Variants in P3H2 observed in about 807,000 individuals in gnomAD.
P3H2 encodes the protein leprecan-like 1.
P3H2 carries 80 observed loss-of-function variants against 87.0 expected under a neutral mutation model. The ratio of observed to expected loss-of-function variants is 0.92; its 90% CI spans 0.77 to 1.11. The LOEUF is 1.11. P3H2 is among the 50% of genes least tolerant of loss of function. P3H2 has a pLI of 0.00. For missense variants in P3H2, 1,001 were observed against 923.9 expected, an observed-to-expected ratio of 1.08 and a Z score of -1.08; for synonymous variants, 367 against 359.3, an observed-to-expected ratio of 1.02 and a Z score of -0.24.
At chr3:190,052,054 G>C (rs998729085) in intron 1 of P3H2, among the ~76,000 whole-genome samples, 6 of 152,148 alleles carry the variant, frequency 3.9e-5, no homozygotes, top group Admixed American at 1.3e-4. Flanking sequence ...AAAAAGTGGA[G>C]AAATAGAATA....
At chr3:189,958,176 C>T (rs1722698367) in intron 14 of P3H2, among the ~76,000 whole-genome samples, 172 bp from the exon 15 acceptor site, 1 of 152,182 alleles carries the variant, frequency 6.6e-6, no homozygotes, top group Non-Finnish European at 1.5e-5. Context: ...CCTAACATTC[C>T]TGGGTCCTAA....
intron 1 of P3H2, among the ~76,000 whole-genome samples, chr3:190,105,657 G>A (rs1206022878): frequency 6.6e-6 from 1 of 152,172 alleles, no homozygotes; most frequent in Non-Finnish European, 1.5e-5. Context: ...ACTAATTTAT[G>A]TCCATTGCAT....
chr3:189,967,900 C>T (rs922815770), intron 13 of P3H2, among the ~76,000 whole-genome samples: 1 of 152,118 alleles, frequency 6.6e-6, no homozygotes, highest in African/African-American at 2.4e-5. Context: ...TGATGAATAA[C>T]ATATGTGTGT....
intron 1 of P3H2, among the ~76,000 whole-genome samples, chr3:190,084,120 C>T (rs865795118): frequency 7.3e-5 from 11 of 150,264 alleles, no homozygotes; most frequent in South Asian, 4.2e-4. Flanking sequence ...ATTAAAAAGC[C>T]GAGAAAGGAC....
intron 1 of P3H2, among the ~76,000 whole-genome samples, chr3:190,032,803 G>A (rs1266007795): frequency 6.8e-6 from 1 of 147,170 alleles, no homozygotes; most frequent in Non-Finnish European, 1.5e-5. Context: ...CCAGGATTTC[G>A]TGGAAGACAA....
chr3:190,023,043 G>A (rs1422640422), intron 1 of P3H2, among the ~76,000 whole-genome samples: 1 of 151,990 alleles, frequency 6.6e-6, no homozygotes, highest in Non-Finnish European at 1.5e-5. Flanking sequence ...AGCCAGGATG[G>A]TCTCGATCTC....
intron 8 of P3H2, among the ~76,000 whole-genome samples, chr3:189,975,039 A>T (rs1191609661): frequency 6.6e-6 from 1 of 152,070 alleles, no homozygotes. Flanking sequence ...CCTCATTCAT[A>T]CCTCTGTCGC....
intron 1 of P3H2, among the ~76,000 whole-genome samples, chr3:190,010,534 C>G (rs1433212685): frequency 6.6e-6 from 1 of 150,726 alleles, no homozygotes; most frequent in Non-Finnish European, 1.5e-5. Context: ...GAGAGAGACA[C>G]CAGGAGAACG....
At chr3:190,103,145 T>C (rs764505158) in intron 1 of P3H2, among the ~76,000 whole-genome samples, 1 of 152,256 alleles carries the variant, frequency 6.6e-6, no homozygotes, top group Admixed American at 6.5e-5. Context: ...TTTATTGCAA[T>C]GGTCTGGAAC....
rs1711508474 is a variant in P3H2, at chr3:190,098,566, T to TA, written c.480+21685_480+21686insT. On this transcript the variant is annotated intron_variant, in intron 1 of 14. Transcript: ENST00000319332. ...TACTATTCTAAGTGCCTAACTTGTATTCACTAATGAAATCCTCGCAATGCC... is the reference window on the plus strand; with the variant it reads ...TACTATTCTAAGTGCCTAACTTGTATATCACTAATGAAATCCTCGCAATGCC... Among the ~76,000 whole-genome samples the TA allele has an allele frequency of 1.1e-4, 17 of 152,302 alleles. 2 individuals are homozygous for TA. In the South Asian group the frequency reaches 3.3e-3, roughly 30 times the overall value.
At chr3:189,993,102 T>G (rs1723932652) in intron 3 of P3H2, among the ~76,000 whole-genome samples, 2 of 152,040 alleles carry the variant, frequency 1.3e-5, no homozygotes, top group Admixed American at 1.3e-4. Flanking sequence ...GTGGGCGGAT[T>G]ACCTGAGGTC....
chr3:190,098,601 T>C (rs1393644311), intron 1 of P3H2, among the ~76,000 whole-genome samples: 2 of 152,196 alleles, frequency 1.3e-5, no homozygotes, highest in African/African-American at 4.8e-5. Context: ...CACTGTCACT[T>C]ACCCCTCCTT....
chr3:190,074,843 A>G (rs1482460472), intron 1 of P3H2, among the ~76,000 whole-genome samples: 1 of 152,248 alleles, frequency 6.6e-6, no homozygotes, highest in East Asian at 1.9e-4. Context: ...AAAGACCTGA[A>G]AGCACGAGAG....
chr3:189,994,334 A>AAAC (rs772502072), intron 2 of P3H2, 51 bp from the exon 3 acceptor site: 29 of 1,486,664 alleles, frequency 2.0e-5, no homozygotes, highest in African/African-American at 1.4e-4. Context: ...ACAAACAAAC[A>AAAC]AAAAAACCCT....
At chr3:190,076,831 A>T (rs1336281426) in intron 1 of P3H2, among the ~76,000 whole-genome samples, 1 of 152,200 alleles carries the variant, frequency 6.6e-6, no homozygotes, top group Non-Finnish European at 1.5e-5. Flanking sequence ...CTAACTCAGT[A>T]ATGATGATTC....
At chr3:190,036,399 A>C (rs905605113) in intron 1 of P3H2, among the ~76,000 whole-genome samples, 5 of 152,134 alleles carry the variant, frequency 3.3e-5, no homozygotes, top group Non-Finnish European at 4.4e-5. Flanking sequence ...GGAGTGATCA[A>C]ATTATTTTGC....
intron 13 of P3H2, 95 bp from the exon 14 acceptor site, chr3:189,964,193 G>A (rs779551110): frequency 8.6e-7 from 1 of 1,156,758 alleles, no homozygotes; most frequent in Non-Finnish European, 1.3e-6. Flanking sequence ...TTGAGTTAAG[G>A]CCTGAGGCGA....
intron 1 of P3H2, among the ~76,000 whole-genome samples, chr3:190,113,250 G>C (rs1712143070): frequency 6.6e-6 from 1 of 152,196 alleles, no homozygotes; most frequent in Admixed American, 6.5e-5. Flanking sequence ...TTCCCTTCTT[G>C]ATTTGTTGTA....
intron 13 of P3H2, among the ~76,000 whole-genome samples, chr3:189,966,165 AAG>A (rs1185111139): frequency 4.1e-5 from 6 of 147,856 alleles, no homozygotes; most frequent in African/African-American, 1.5e-4. Flanking sequence ...GAAAGAAAGA[AAG>A]AAAGAAAGAA....
Sources: allele counts gnomAD v4.1 joint callset (sites outside exome capture counted in the v4.1 genomes callset), GRCh38; gene constraint gnomAD v4.1.1; transcripts MANE v1.5; gene names NCBI Gene and HGNC (gene_info 2026-07-23, HGNC 2026-07-21).